The following CACNA1E variants were observed in gnomAD, a reference collection of about 807,000 sequenced individuals.
CACNA1E encodes calcium voltage-gated channel subunit alpha1 E.
A neutral mutation model predicts 259.2 loss-of-function variants in CACNA1E; 40 were observed. The ratio of observed to expected loss-of-function variants is 0.15; its 90% confidence interval spans 0.12 to 0.20. CACNA1E has a LOEUF of 0.20. Ranked by LOEUF, CACNA1E falls within the 10% of genes least tolerant of loss-of-function variation. The pLI, the probability that CACNA1E is intolerant of heterozygous loss-of-function variation, is 1.00. For missense variants in CACNA1E, 1,874 were observed against 3,040.1 expected, an observed-to-expected ratio of 0.62 and a Z score of 9.02; for synonymous variants, 1,104 against 1,138.5, an observed-to-expected ratio of 0.97 and a Z score of 0.61.
chr1:181,332,784 T>A (rs1478585031), intron 1 of CACNA1E, among the ~76,000 whole-genome samples: 1 of 152,156 alleles, frequency 6.6e-6, no homozygotes. Flanking sequence ...CCTTTGAAAA[T>A]CTGATGAAAG....
chr1:181,736,066 C>G (rs578030089), intron 21 of CACNA1E, among the ~76,000 whole-genome samples: 1 of 152,292 alleles, frequency 6.6e-6, no homozygotes, highest in Non-Finnish European at 1.5e-5. Flanking sequence ...GGTTATTTCT[C>G]ATAACATTTG....
intron 1 of CACNA1E, among the ~76,000 whole-genome samples, chr1:181,381,704 C>T (rs1163065550): frequency 6.6e-6 from 1 of 152,078 alleles, no homozygotes; most frequent in African/African-American, 2.4e-5. Flanking sequence ...CTGTACAATA[C>T]TATAGAATAG....
rs903278247 is a variant in CACNA1E at position 181,698,160 on chromosome 1, G to T, written c.1056-12794G>T. On this transcript the variant is annotated intron_variant, in intron 7 of 47. Transcript: ENST00000367573. ...CAGTCTACACGTATTCAGTAACATA[G>T]ACTTTATCAAAAGATGCACTCTCCT... Among the ~76,000 whole-genome samples the T allele has an allele frequency of 3.3e-5, 5 of 152,324 alleles. No homozygotes were observed. In the East Asian group the frequency reaches 9.6e-4, roughly 29 times the overall value.
intron 3 of CACNA1E, among the ~76,000 whole-genome samples, chr1:181,528,621 G>A (rs1299414979): frequency 6.6e-6 from 1 of 152,192 alleles, no homozygotes; most frequent in Non-Finnish European, 1.5e-5. Flanking sequence ...GGAACAATAA[G>A]GTCCAGGCTG....
At chr1:181,716,983 G>T in intron 10 of CACNA1E, 110 bp from the exon 11 acceptor site, 1 of 806,618 alleles carries the variant, frequency 1.2e-6, no homozygotes, top group Non-Finnish European at 2.1e-6. Context: ...CTGCAATGTG[G>T]CAGTCACCTT....
At chr1:181,396,987 A>T (rs1656723383) in intron 1 of CACNA1E, among the ~76,000 whole-genome samples, 1 of 152,236 alleles carries the variant, frequency 6.6e-6, no homozygotes, top group African/African-American at 2.4e-5. Context: ...ACACCTCTGC[A>T]GCGAACCTGG....
chr1:181,483,520 C>CTTT lies in CACNA1E; in HGVS notation c.-223_-222insTTT. ...TTTTTTCTTTTTTTTTTTTTTCCTT[C>CTTT]TTGAGGAATGGAGCTTCGCAGAGGT... is the stretch of plus-strand genomic sequence containing the variant. On this transcript the variant is annotated 5_prime_UTR_variant, in exon 1 of 48. Coordinates refer to ENST00000367573, the MANE Select transcript of CACNA1E (RefSeq NM_001205293.3). The CTTT allele has an allele frequency of 1.1e-5, 2 of 188,834 alleles. No homozygotes were observed. The highest frequency in any genetic ancestry group is 4.7e-4 in the South Asian group (2 of 4,294). The allele number at this position is 188,834 out of a possible 1,614,324, so 11.7% of individuals were successfully genotyped here. A position where few individuals can be genotyped will look rare whatever the true frequency, so the allele number is the denominator to read the frequency against.
intron 38 of CACNA1E, among the ~76,000 whole-genome samples, chr1:181,780,731 T>C (rs1660350651): frequency 6.6e-6 from 1 of 152,150 alleles, no homozygotes; most frequent in Non-Finnish European, 1.5e-5. Context: ...CAGCATGCCA[T>C]TGACCTGGCA....
In CACNA1E at chr1:181,798,468, C is replaced by T. The variant is rs749923065; in HGVS notation, c.6576C>T (p.Gly2192=). The change falls in exon 48 of 48, where the codon GGC becomes GGT. Residue 2192 remains glycine, a synonymous_variant. Coordinates refer to ENST00000367573, the MANE Select transcript of CACNA1E (RefSeq NM_001205293.3). The surrounding 1 kb of genome is among the most constrained non-coding windows in gnomAD (Gnocchi z 4.2). ...CACCTGCTGATGGAAGCGAGGAGGG[C>T]TCCCCGCTGACCTCCCAAGCTCTGG... The part of the protein sequence containing the change: ...ISPPADGSEE[G]SPLTSQALES... 1.2e-6 allele frequency: 2 copies of T among 1,613,892 alleles called. No individual in the cohort carries two copies. Among genetic ancestry groups the T allele is most frequent in the Non-Finnish European group, 8.5e-7 (1 of 1,179,884 alleles).
intron 6 of CACNA1E, among the ~76,000 whole-genome samples, chr1:181,613,097 C>G (rs1394960607): frequency 6.6e-6 from 1 of 152,152 alleles, no homozygotes; most frequent in East Asian, 1.9e-4. Flanking sequence ...TCCATTGTAT[C>G]TCTTTGTATC....
chr1:181,647,324 G>A (rs578042224), intron 6 of CACNA1E, among the ~76,000 whole-genome samples: 5 of 152,150 alleles, frequency 3.3e-5, no homozygotes, highest in African/African-American at 1.2e-4. Context: ...TGGCTGTCCC[G>A]TGTTCCTGAA....
intron 42 of CACNA1E, 114 bp downstream of exon 42, chr1:181,785,532 T>A: frequency 1.1e-6 from 1 of 894,602 alleles, no homozygotes; most frequent in Non-Finnish European, 1.8e-6. Flanking sequence ...GCAGCAGTAA[T>A]GGGTGCGGGG....
chr1:181,691,311 T>G (rs1651131954), intron 7 of CACNA1E, among the ~76,000 whole-genome samples: 1 of 152,018 alleles, frequency 6.6e-6, no homozygotes, highest in African/African-American at 2.4e-5. Context: ...TTTAATTTTT[T>G]TAGGTACTAC....
At chr1:181,665,036 G>A (rs1463163418) in intron 7 of CACNA1E, among the ~76,000 whole-genome samples, 1 of 152,080 alleles carries the variant, frequency 6.6e-6, no homozygotes, top group African/African-American at 2.4e-5. Flanking sequence ...TTTCACACAT[G>A]AAATTTCTGG....
At chr1:181,520,638 G>A (rs577326021) in intron 3 of CACNA1E, among the ~76,000 whole-genome samples, 10 of 152,274 alleles carry the variant, frequency 6.6e-5, no homozygotes, top group African/African-American at 2.4e-4. Flanking sequence ...CCTCAAGAGA[G>A]AAGTTTACTA....
chr1:181,798,589 T>C lies in CACNA1E; in HGVS notation c.6697T>C (p.Leu2233=). 1.9e-6 allele frequency: 3 copies of C among 1,613,554 alleles called. No homozygotes were observed. Among genetic ancestry groups the C allele is most frequent in the Non-Finnish European group, 2.5e-6 (3 of 1,179,892 alleles). The change falls in exon 48 of 48, where the codon TTG becomes CTG. Residue 2233 remains leucine, a synonymous_variant. Transcript: ENST00000367573. The surrounding 1 kb of genome is among the most constrained non-coding windows in gnomAD (Gnocchi z 4.2). ...ACAGCGCTACATCTCCGAGCCCTAC[T>C]TGGCCCTGCACGAAGACTCCCACGC... The part of the protein sequence containing the change: ...SPQRYISEPY[L]ALHEDSHASD...
intron 6 of CACNA1E, among the ~76,000 whole-genome samples, chr1:181,630,372 T>C (rs1324804108): frequency 6.6e-6 from 1 of 151,028 alleles, no homozygotes; most frequent in Non-Finnish European, 1.5e-5. Flanking sequence ...GACAAAGCAG[T>C]GTAATTAACA....
At chr1:181,558,547 C>T (rs1041204595) in intron 3 of CACNA1E, among the ~76,000 whole-genome samples, 2 of 152,180 alleles carry the variant, frequency 1.3e-5, no homozygotes, top group East Asian at 3.8e-4. Flanking sequence ...CAGTTTAAAC[C>T]TAGCCAGGGT....
Position 181,579,161 on chromosome 1 carries a change from G to A in CACNA1E, c.706G>A (p.Ala236Thr). 6.2e-7 allele frequency: 1 copy of A among 1,613,572 alleles called. No homozygotes were observed. The highest frequency in any genetic ancestry group is 8.5e-7 in the Non-Finnish European group (1 of 1,179,556). The change falls in exon 5 of 48, where the codon GCT becomes ACT. Residue 236 changes from alanine to threonine, a missense_variant. Physicochemically the swap from Ala to Thr is moderately conservative, Grantham distance 58. Coordinates refer to ENST00000367573, the MANE Select transcript of CACNA1E (RefSeq NM_001205293.3). ...GCTCTTCTTTGCCATCCTGATGTTT[G>A]CTATCATTGGTTTGGAGTTCTACAG... ...LLLFFAILMF[A>T]IIGLEFYSGK...
Sources: gnomAD v4.1 joint callset for allele counts (sites outside exome capture counted in the v4.1 genomes callset) on GRCh38, gnomAD v4.1.1 for gene constraint, Gnocchi (gnomAD v3.1) non-coding constraint, MANE v1.5 for transcripts, NCBI Gene and HGNC (gene_info 2026-07-23, HGNC 2026-07-21) for gene names.